Variants in QSER1 observed in about 807,000 individuals in gnomAD.
QSER1 encodes glutamine and serine-rich protein 1.
Under a neutral mutation model 158.5 loss-of-function variants are expected in QSER1, and 49 were observed. The observed-to-expected ratio is 0.31, with a 90% confidence interval of 0.25 to 0.39. The LOEUF (loss-of-function observed/expected upper bound fraction) is 0.39, where lower values mean the gene tolerates loss of function less well. Ranked by LOEUF, QSER1 falls within the 10% of genes least tolerant of loss-of-function variation. QSER1 has a pLI of 1.00. For synonymous variants in QSER1, 650 were observed against 715.5 expected (o/e 0.91, Z 1.46); for missense variants, 1,754 against 2,010.3 (o/e 0.87, Z 2.44).
chr11:32,964,876 C>T (rs1852710096), intron 8 of QSER1, among the ~76,000 whole-genome samples: 1 of 150,852 alleles, frequency 6.6e-6, no homozygotes, highest in East Asian at 2.0e-4. Flanking sequence ...TATTTGAATA[C>T]AAAAAGTCAA....
rs1362989690 is a variant in QSER1 at position 32,979,653 on chromosome 11, A to C, written c.*3179A>C. 3 of 152,228 alleles carry C rather than the reference A, an allele frequency of 2.0e-5. No individual in the cohort carries two copies. Among genetic ancestry groups the C allele is most frequent in the Non-Finnish European group, 4.4e-5 (3 of 68,028 alleles). 9.4% of individuals were successfully genotyped at this position (152,228 alleles called of 1,614,324 possible). A position where few individuals can be genotyped will look rare whatever the true frequency, so the allele number is the denominator to read the frequency against. On this transcript the variant is annotated 3_prime_UTR_variant, in exon 13 of 13. Transcript: ENST00000650167. ...TTCTAAACTTCTTTCTGTTTCCAAA[A>C]CTTGAAAATATGTAGATGGACTCAT...
In QSER1 at chr11:32,931,971, T is replaced by C; in HGVS notation, c.713T>C (p.Val238Ala). The part of the protein sequence containing the change: ...LLQIKTSQGT[V>A]PTALAFERLG... ...CAAATCAAGACTTCCCAGGGAACTG[T>C]TCCAACTGCTTTGGCATTTGAGCGC... Residue 238 changes from valine (V) to alanine (A), a missense_variant, in exon 4 of 13, where the codon GTT becomes GCT. Around this residue, in one of 2 missense-constraint regions of QSER1, gnomAD observed 1,707 missense variants for 1,919.6 expected, o/e 0.89. Coordinates refer to ENST00000650167, the MANE Select transcript of QSER1 (RefSeq NM_001076786.3). 2 of 1,614,228 alleles carry C rather than the reference T, an allele frequency of 1.2e-6. No individual in the cohort carries two copies. The highest frequency in any genetic ancestry group is 1.7e-6 in the Non-Finnish European group (2 of 1,180,036).
At position 32,933,372 on chromosome 11, in the gene QSER1, C is replaced by T. The variant is rs757857654; in HGVS notation, c.2114C>T (p.Ala705Val). Residue 705 changes from alanine to valine, a missense_variant, in exon 4 of 13, where the codon GCA becomes GTA. Around this residue, in one of 2 missense-constraint regions of QSER1, gnomAD observed 1,707 missense variants for 1,919.6 expected, o/e 0.89. Transcript: ENST00000650167. ...MQELQVLQPQASLESSTQRLS... is the reference protein window; with the variant it reads ...MQELQVLQPQVSLESSTQRLS... Reference sequence around the variant, plus strand: ...GAGTTACAGGTGTTGCAGCCACAAGCATCTCTTGAGTCATCAACCCAAAGG... The same window carrying T: ...GAGTTACAGGTGTTGCAGCCACAAGTATCTCTTGAGTCATCAACCCAAAGG... 11 of 1,613,544 alleles carry T rather than the reference C, an allele frequency of 6.8e-6. No homozygotes were observed. The highest frequency in any genetic ancestry group is 1.3e-5 in the African/African-American group (1 of 74,890).
At chr11:32,971,353 G>A (rs1351112474) in intron 10 of QSER1, among the ~76,000 whole-genome samples, 1 of 152,152 alleles carries the variant, frequency 6.6e-6, no homozygotes, top group African/African-American at 2.4e-5. Flanking sequence ...TGTTGATCTT[G>A]GTGATGTTAG....
In QSER1 at chr11:32,913,606, GCAGT is replaced by G. The variant is rs1851798339; in HGVS notation, c.210-13546_210-13543del. On this transcript the variant is annotated intron_variant, in intron 1 of 12. Coordinates refer to ENST00000650167, the MANE Select transcript of QSER1 (RefSeq NM_001076786.3). ...TCTCTAGTTCCTAGCATAACACTTG[GCAGT>G]CAGTAAATGTCAGTTGTATAAATGC... 2.0e-5 allele frequency among the ~76,000 whole-genome samples: 3 copies of G among 152,250 alleles called. No individual in the cohort carries two copies. The South Asian group carries it at 6.2e-4, about 32-fold the overall frequency.
intron 7 of QSER1, among the ~76,000 whole-genome samples, chr11:32,956,512 A>G (rs567821618): frequency 1.3e-5 from 2 of 152,272 alleles, no homozygotes; most frequent in African/African-American, 4.8e-5. Flanking sequence ...TATTGATAAA[A>G]AAACTATAAG....
chr11:32,924,434 C>T (rs1851940315), intron 1 of QSER1, among the ~76,000 whole-genome samples: 1 of 151,736 alleles, frequency 6.6e-6, no homozygotes, highest in African/African-American at 2.4e-5. Flanking sequence ...GTGGTGCACG[C>T]CTATGGTCCC....
Position 32,933,634 on chromosome 11 carries a change from A to C in QSER1, c.2376A>C (p.Leu792Phe). 7 of 1,613,762 alleles carry C rather than the reference A, an allele frequency of 4.3e-6. No individual in the cohort carries two copies. Among genetic ancestry groups the C allele is most frequent in the Non-Finnish European group, 5.9e-6 (7 of 1,179,888 alleles). ...TTGATCTTAAGAACTCAACTAATTT[A>C]ATACAGACTCCACAAATAAGGTTGA... ...ATLDLKNSTNLIQTPQIRLNT... is the reference protein window; with the variant it reads ...ATLDLKNSTNFIQTPQIRLNT... Residue 792 changes from leucine to phenylalanine, a missense_variant, in exon 4 of 13, where the codon TTA becomes TTC. Transcript: ENST00000650167.
intron 3 of QSER1, among the ~76,000 whole-genome samples, chr11:32,931,034 C>T (rs1187117038): frequency 6.6e-6 from 1 of 151,272 alleles, no homozygotes; most frequent in Non-Finnish European, 1.5e-5. Flanking sequence ...CTGCAGTTCA[C>T]TGTTTTTTTA....
Position 32,933,577 on chromosome 11 carries a change from A to G in QSER1, c.2319A>G (p.Gln773=), listed in dbSNP as rs776484406. 3 of 1,614,062 alleles carry G rather than the reference A, an allele frequency of 1.9e-6. No homozygotes were observed. The highest frequency in any genetic ancestry group is 2.2e-5 in the South Asian group (2 of 91,060). ...TTGGTTCAGTGACACAACTTAACCA[A>G]CAAATTGGCCAAGTCAATAATGCAG... ...SVVGSVTQLN[Q]QIGQVNNAAT... The change falls in exon 4 of 13, where the codon CAA becomes CAG. Residue 773 remains glutamine, a synonymous_variant. Coordinates refer to ENST00000650167, the MANE Select transcript of QSER1 (RefSeq NM_001076786.3).
intron 4 of QSER1, among the ~76,000 whole-genome samples, chr11:32,949,634 C>T (rs1280287816): frequency 1.3e-5 from 2 of 151,988 alleles, no homozygotes; most frequent in Non-Finnish European, 2.9e-5. Context: ...AATCAGTTTC[C>T]ATTTACATAC....
intron 1 of QSER1, among the ~76,000 whole-genome samples, chr11:32,907,347 C>G (rs1236745646): frequency 6.6e-6 from 1 of 152,146 alleles, no homozygotes; most frequent in Non-Finnish European, 1.5e-5. Flanking sequence ...ATTTGTAATT[C>G]TAGTTCATAT....
At chr11:32,938,666 T>G (rs966748692) in intron 4 of QSER1, among the ~76,000 whole-genome samples, 2 of 152,234 alleles carry the variant, frequency 1.3e-5, no homozygotes, top group Admixed American at 6.5e-5. Context: ...AAGATGTCTT[T>G]AGTTGCACCT....
intron 1 of QSER1, among the ~76,000 whole-genome samples, chr11:32,899,767 G>C (rs1460047772): frequency 3.3e-5 from 5 of 152,078 alleles, no homozygotes; most frequent in African/African-American, 1.2e-4. Flanking sequence ...GAAGTGCTCA[G>C]AAACTTGGAG....
chr11:32,919,430 C>A (rs996969284), intron 1 of QSER1, among the ~76,000 whole-genome samples: 5 of 152,102 alleles, frequency 3.3e-5, no homozygotes, highest in African/African-American at 9.7e-5. Context: ...TTGTAGGATA[C>A]CCCTCTTTTG....
At chr11:32,894,346 G>A (rs1397140659) in intron 1 of QSER1, among the ~76,000 whole-genome samples, 1 of 152,164 alleles carries the variant, frequency 6.6e-6, no homozygotes, top group East Asian at 1.9e-4. Context: ...GTGTTTTAAA[G>A]CCACCTCTCC....
intron 4 of QSER1, among the ~76,000 whole-genome samples, chr11:32,942,629 C>A (rs1417959702): frequency 6.6e-6 from 1 of 152,076 alleles, no homozygotes; most frequent in Non-Finnish European, 1.5e-5. Flanking sequence ...TGTTTTGGTT[C>A]CTGTAGCCTT....
intron 4 of QSER1, among the ~76,000 whole-genome samples, chr11:32,941,421 C>G (rs926280241): frequency 7.0e-6 from 1 of 142,466 alleles, no homozygotes; most frequent in Non-Finnish European, 1.5e-5. Context: ...GTGATGTTCC[C>G]CTTCCTGTGT....
At chr11:32,955,873 A>G in intron 6 of QSER1, 115 bp from the exon 7 acceptor site, 2 of 899,374 alleles carry the variant, frequency 2.2e-6, no homozygotes, top group Non-Finnish European at 3.4e-6. Context: ...TAGCCTGGCC[A>G]GAGCTGCATT....
Sources: allele counts gnomAD v4.1 joint callset (sites outside exome capture counted in the v4.1 genomes callset), GRCh38; gene constraint gnomAD v4.1.1; regional missense constraint gnomAD v4.1.1; transcripts MANE v1.5; gene names NCBI Gene and HGNC (gene_info 2026-07-23, HGNC 2026-07-21).